MITF: variants seen among roughly 807,000 people sequenced by gnomAD.
MITF encodes the protein melanocyte inducing transcription factor.
A neutral mutation model predicts 60.5 loss-of-function variants in MITF; 17 were observed. The observed-to-expected ratio is 0.28, with a 90% CI of 0.19 to 0.42. The LOEUF is 0.42. Ranked by LOEUF, MITF falls within the 10% of genes least tolerant of loss-of-function variation. The pLI is 1.00. For missense variants in MITF, 622 were observed against 683.5 expected, an observed-to-expected ratio of 0.91 and a Z score of 1.00; for synonymous variants, 260 against 248.5, an observed-to-expected ratio of 1.05 and a Z score of -0.43.
At chr3:69,867,040 A>C (rs1156712159) in intron 1 of MITF, among the ~76,000 whole-genome samples, 1 of 152,208 alleles carries the variant, frequency 6.6e-6, no homozygotes, top group Non-Finnish European at 1.5e-5. Context: ...AACAGAGTAT[A>C]GTTCCCCCCA....
Position 69,967,378 on chromosome 3 carries a change from T to C in MITF, c.*2130T>C. 1 of 232,924 alleles carries C rather than the reference T, an allele frequency of 4.3e-6. No individual in the cohort carries two copies. The highest frequency in any genetic ancestry group is 8.5e-6 in the Non-Finnish European group (1 of 117,520). 14.4% of individuals were successfully genotyped at this position (232,924 alleles called of 1,614,324 possible). On this transcript the variant is annotated 3_prime_UTR_variant, in exon 10 of 10. Coordinates refer to ENST00000352241, the MANE Select transcript of MITF (RefSeq NM_001354604.2). ...TCATTGATACAATCATAGCATTGTC[T>C]ATTTTTCTCTTCATATTTATATGGG... is the stretch of plus-strand genomic sequence containing the variant.
intron 1 of MITF, among the ~76,000 whole-genome samples, chr3:69,755,364 T>G (rs1704097500): frequency 6.6e-6 from 1 of 151,804 alleles, no homozygotes; most frequent in Non-Finnish European, 1.5e-5. Flanking sequence ...ATAGTTATCT[T>G]TATCCAATAT....
At chr3:69,776,195 C>T (rs567336057) in intron 1 of MITF, among the ~76,000 whole-genome samples, 1 of 152,290 alleles carries the variant, frequency 6.6e-6, no homozygotes, top group Admixed American at 6.5e-5. Flanking sequence ...CCCTGGGCCA[C>T]TGAATTAACT....
At chr3:69,872,772 C>G (rs1422512799) in intron 1 of MITF, among the ~76,000 whole-genome samples, 1 of 151,978 alleles carries the variant, frequency 6.6e-6, no homozygotes, top group African/African-American at 2.4e-5. Context: ...TTTTTAGCAG[C>G]GAATTGAGGT....
chr3:69,844,478 G>T (rs923520178), intron 1 of MITF, among the ~76,000 whole-genome samples: 2 of 152,080 alleles, frequency 1.3e-5, no homozygotes, highest in Admixed American at 1.3e-4. Flanking sequence ...ACTCAAGATG[G>T]ATTAAAGACT....
intron 1 of MITF, among the ~76,000 whole-genome samples, chr3:69,846,766 A>G (rs567098188): frequency 6.0e-5 from 9 of 150,492 alleles, no homozygotes; most frequent in Non-Finnish European, 1.2e-4. Context: ...GCAGTGAGCC[A>G]AGAGTGTGCC....
chr3:69,938,131 G>GGA, intron 3 of MITF, 82 bp downstream of exon 3: 1 of 1,452,564 alleles, frequency 6.9e-7, no homozygotes, highest in Non-Finnish European at 9.6e-7. Flanking sequence ...CTTAACTGTG[G>GGA]ACTCTAGTTT....
intron 7 of MITF, among the ~76,000 whole-genome samples, chr3:69,955,612 G>A (rs758959829): frequency 2.0e-5 from 3 of 151,866 alleles, no homozygotes; most frequent in Non-Finnish European, 4.4e-5. Context: ...TCAGGAGCTC[G>A]AGACCAACCT....
At chr3:69,905,465 G>A (rs1475163202) in intron 2 of MITF, among the ~76,000 whole-genome samples, 1 of 151,804 alleles carries the variant, frequency 6.6e-6, no homozygotes, top group African/African-American at 2.4e-5. Context: ...TCTTCGTGTG[G>A]ATTCATTCTT....
intron 1 of MITF, among the ~76,000 whole-genome samples, chr3:69,830,734 T>A (rs1356394403): frequency 6.9e-6 from 1 of 145,772 alleles, no homozygotes; most frequent in South Asian, 2.1e-4. Flanking sequence ...TGAACAGATA[T>A]GATATCTGTC....
chr3:69,865,145 G>A (rs765075360), intron 1 of MITF, among the ~76,000 whole-genome samples: 12 of 152,084 alleles, frequency 7.9e-5, no homozygotes, highest in Admixed American at 2.0e-4. Context: ...TAGTTTGGCC[G>A]AGACTCCTGG....
chr3:69,747,708 G>T (rs1023985962), intron 1 of MITF, among the ~76,000 whole-genome samples: 2 of 152,184 alleles, frequency 1.3e-5, no homozygotes, highest in African/African-American at 4.8e-5. Context: ...ATTCATGCTT[G>T]TCTTTATAAA....
intron 3 of MITF, 162 bp downstream of exon 3, chr3:69,938,211 G>A: frequency 8.9e-7 from 1 of 1,119,380 alleles, no homozygotes; most frequent in Non-Finnish European, 1.3e-6. Context: ...CCAGCCTGTT[G>A]TCTCCATCGC....
rs148171962 is a variant in MITF at position 69,943,823 on chromosome 3, G to T, written c.762+2492G>T. 2.5e-3 allele frequency among the ~76,000 whole-genome samples: 380 copies of T among 152,234 alleles called. 1 individual carries two copies. The highest frequency in any genetic ancestry group is 4.3e-3 in the Non-Finnish European group (291 of 68,016). On this transcript the variant is annotated intron_variant, in intron 5 of 9. Transcript: ENST00000352241. ...GAATGAATACTTGGCTGGGTCCATGGTTCACGCCTGTAATCCTAGTACTTT... is the reference window on the plus strand; with the variant it reads ...GAATGAATACTTGGCTGGGTCCATGTTTCACGCCTGTAATCCTAGTACTTT...
intron 2 of MITF, chr3:69,936,496 C>A: frequency 3.1e-6 from 3 of 971,538 alleles, no homozygotes; most frequent in Non-Finnish European, 4.2e-6. Context: ...ACTCGTAGGG[C>A]TTCCAAAAAA....
At chr3:69,911,645 G>A (rs572868556) in intron 2 of MITF, among the ~76,000 whole-genome samples, 1 of 152,166 alleles carries the variant, frequency 6.6e-6, no homozygotes, top group Non-Finnish European at 1.5e-5. Flanking sequence ...TGGGAAAGAA[G>A]GCAAAGAATA....
chr3:69,891,577 G>A (rs989973180), intron 2 of MITF, among the ~76,000 whole-genome samples: 1 of 152,202 alleles, frequency 6.6e-6, no homozygotes, highest in Non-Finnish European at 1.5e-5. Flanking sequence ...AGATTCTAAA[G>A]TATGCTCATG....
intron 2 of MITF, among the ~76,000 whole-genome samples, chr3:69,882,056 C>A (rs1042588812): frequency 6.6e-6 from 1 of 152,142 alleles, no homozygotes; most frequent in Admixed American, 6.5e-5. Context: ...AAGTTACCAA[C>A]ATTCTGCTAT....
intron 1 of MITF, among the ~76,000 whole-genome samples, chr3:69,863,199 G>A (rs1442374117): frequency 6.6e-6 from 1 of 152,166 alleles, no homozygotes; most frequent in East Asian, 1.9e-4. Context: ...TTGATATCCA[G>A]AAGACATGTG....
Sources: gnomAD v4.1 joint callset for allele counts (sites outside exome capture counted in the v4.1 genomes callset) on GRCh38, gnomAD v4.1.1 for gene constraint, MANE v1.5 for transcripts, NCBI Gene and HGNC (gene_info 2026-07-23, HGNC 2026-07-21) for gene names.